The following SHPRH variants were observed in gnomAD, a reference collection of about 807,000 sequenced individuals.
SHPRH encodes SNF2 histone linker PHD RING helicase.
In SHPRH, 106 loss-of-function variants were observed where a neutral mutation model predicts 202.5. That is an observed-to-expected ratio of 0.52 (90% confidence interval 0.45 to 0.62). The LOEUF (loss-of-function observed/expected upper bound fraction) is 0.62, where lower values mean the gene tolerates loss of function less well. SHPRH is among the 20% of genes least tolerant of loss of function. SHPRH has a pLI of 0.00. For synonymous variants in SHPRH, 729 were observed against 686.0 expected (o/e 1.06, Z -0.98); for missense variants, 1,710 against 2,020.0 (o/e 0.85, Z 2.94).
chr6:145,947,341 T>G, intron 6 of SHPRH, 152 bp downstream of exon 6: 1 of 813,676 alleles, frequency 1.2e-6, no homozygotes, highest in Non-Finnish European at 1.8e-6. Context: ...CCATTCTCTC[T>G]GCCCACTTGA....
In SHPRH at chr6:145,935,268, T is replaced by C. The variant is rs1358782694; in HGVS notation, c.2733+10A>G. 7.4e-6 allele frequency: 12 copies of C among 1,613,290 alleles called. No homozygotes were observed. The highest frequency in any genetic ancestry group is 7.6e-6 in the Non-Finnish European group (9 of 1,179,834). On this transcript the variant is annotated intron_variant, in intron 12 of 29. Transcript: ENST00000275233. ...TAGTACCTTTATCAATAAAAACTTA[T>C]TGTACTGACTTGGTCAATCACATCT...
chr6:145,873,513 A>G (rs1780149914), intron 2 of SHPRH, among the ~76,000 whole-genome samples: 1 of 152,154 alleles, frequency 6.6e-6, no homozygotes, highest in African/African-American at 2.4e-5. Context: ...TTATGACCTT[A>G]TACTGCTTTA....
chr6:145,872,882 A>C (rs1196752845), intron 2 of SHPRH, among the ~76,000 whole-genome samples: 1 of 152,232 alleles, frequency 6.6e-6, no homozygotes, highest in African/African-American at 2.4e-5. Flanking sequence ...TGTGCTTCGC[A>C]GGGACATGGA....
chr6:145,943,442 T>C lies in SHPRH; in HGVS notation c.1939A>G (p.Asn647Asp), dbSNP rs1479111993. 6.2e-7 allele frequency: 1 copy of C among 1,614,028 alleles called. No individual in the cohort carries two copies. The change falls in exon 9 of 30, where the codon AAT becomes GAT. Residue 647 changes from asparagine to aspartate, a missense_variant. By Grantham distance (23) the Asn-to-Asp change is conservative. Around this residue, in one of 8 missense-constraint regions of SHPRH, gnomAD observed 348 missense variants for 356.9 expected, o/e 0.97. Coordinates refer to ENST00000275233, the MANE Select transcript of SHPRH (RefSeq NM_001042683.3). ...GAGGTGTTAAAGGGACTCATGGTAT[T>C]AGAAGGTGGTACATCACTATCAGCA... The part of the protein sequence containing the change: ...NHADSDVPPS[N>D]TMSPFNTSDY...
chr6:145,874,053 C>T (rs933927423), intron 2 of SHPRH, among the ~76,000 whole-genome samples: 1 of 151,908 alleles, frequency 6.6e-6, no homozygotes, highest in African/African-American at 2.4e-5. Flanking sequence ...ACAAAATTAG[C>T]GGCGCATGGT....
chr6:145,889,636 C>T (rs1046575097), intron 28 of SHPRH, among the ~76,000 whole-genome samples: 4 of 152,202 alleles, frequency 2.6e-5, no homozygotes, highest in Admixed American at 6.5e-5. Flanking sequence ...GTATATGAAA[C>T]ATAAATAAAT....
At chr6:145,942,817 G>A (rs1051143497) in intron 9 of SHPRH, among the ~76,000 whole-genome samples, 2 of 152,066 alleles carry the variant, frequency 1.3e-5, no homozygotes, top group African/African-American at 4.8e-5. Context: ...ATTACACAGT[G>A]CTGCCTTTGG....
chr6:145,929,108 C>A (rs538843177), intron 14 of SHPRH, among the ~76,000 whole-genome samples: 3 of 151,734 alleles, frequency 2.0e-5, no homozygotes, highest in African/African-American at 7.2e-5. Context: ...TTTATCTATT[C>A]GTTATAATAC....
intron 9 of SHPRH, among the ~76,000 whole-genome samples, chr6:145,942,467 G>C (rs1786895916): frequency 6.6e-6 from 1 of 152,118 alleles, no homozygotes; most frequent in Non-Finnish European, 1.5e-5. Context: ...CTTCTTAACA[G>C]CAAAAATTGT....
Position 145,884,824 on chromosome 6 carries a change from ATATT to A in SHPRH, c.*1863_*1866del, listed in dbSNP as rs1780853571. On this transcript the variant is annotated 3_prime_UTR_variant, in exon 30 of 30. Coordinates refer to ENST00000275233, the MANE Select transcript of SHPRH (RefSeq NM_001042683.3). ...TTCCACAATTTTCATTTCCACTAAA[ATATT>A]TATTTAATGGATATCTTACAGAAAT... is the stretch of plus-strand genomic sequence containing the variant. 1.3e-5 allele frequency: 2 copies of A among 152,182 alleles called. No individual in the cohort carries two copies. The highest frequency in any genetic ancestry group is 2.1e-4 in the South Asian group (1 of 4,836). The allele number at this position is 152,182 out of a possible 1,614,324, so 9.4% of individuals were successfully genotyped here. A position where few individuals can be genotyped will look rare whatever the true frequency, so the allele number is the denominator to read the frequency against.
intron 28 of SHPRH, among the ~76,000 whole-genome samples, chr6:145,890,156 CCAGCCACA>C (rs1562286789): frequency 6.6e-6 from 1 of 152,190 alleles, no homozygotes; most frequent in Non-Finnish European, 1.5e-5. Flanking sequence ...ACTGGCCTTA[CCAGCCACA>C]CAGAAGCAGC....
chr6:145,936,324 T>G (rs1445901428), intron 11 of SHPRH, among the ~76,000 whole-genome samples: 1 of 152,172 alleles, frequency 6.6e-6, no homozygotes, highest in East Asian at 1.9e-4. Flanking sequence ...ATGAGTGTAA[T>G]TTTGTAATTT....
chr6:145,935,967 T>G (rs1490065436), intron 11 of SHPRH: 1 of 152,394 alleles, frequency 6.6e-6, no homozygotes, highest in Admixed American at 6.5e-5. Context: ...ACAGTGATAT[T>G]CATAGCAACA....
chr6:145,951,523 C>T (rs571380613), intron 3 of SHPRH, among the ~76,000 whole-genome samples: 51 of 152,008 alleles, frequency 3.4e-4, no homozygotes, highest in Admixed American at 5.9e-4. Context: ...TCCTTAGATA[C>T]CAGGCTTTAA....
At chr6:145,862,219 T>C (rs1024976932), downstream of SHPRH, among the ~76,000 whole-genome samples, 1 of 151,450 alleles carries the variant, frequency 6.6e-6, no homozygotes, top group South Asian at 2.1e-4. Flanking sequence ...CTCAGCACTT[T>C]GGGAGGCCGA....
rs770183806 is a variant in SHPRH, at chr6:145,954,842, C to G, written c.481G>C (p.Glu161Gln). 10 of 1,613,498 alleles carry G rather than the reference C, an allele frequency of 6.2e-6. No homozygotes were observed. The Admixed American group carries it at 1.3e-4, about 22-fold the overall frequency. ...IYVHSKGEDV[E>Q]KQKKEPMSIC... ...CTCATCGGTTCTTTTTTTTGTTTCT[C>G]TACATCTTCACCTTTTGAATGAACA... The change falls in exon 2 of 30, where the codon GAG becomes CAG. Residue 161 changes from glutamate (E) to glutamine (Q), a missense_variant. Coordinates refer to ENST00000275233, the MANE Select transcript of SHPRH (RefSeq NM_001042683.3).
chr6:145,877,071 C>T (rs1372176660), intron 2 of SHPRH: 2 of 152,126 alleles, frequency 1.3e-5, no homozygotes, highest in Admixed American at 1.3e-4. Flanking sequence ...CAGGTAAATA[C>T]CTAGGAGTAG....
intron 25 of SHPRH, chr6:145,910,012 T>C (rs1468492773): frequency 6.5e-6 from 1 of 153,646 alleles, no homozygotes; most frequent in Non-Finnish European, 1.4e-5. Context: ...CTCTTTCTTG[T>C]AGCTGTCTTC....
intron 16 of SHPRH, among the ~76,000 whole-genome samples, chr6:145,925,368 A>ACACACACACACATG (rs909521842): frequency 3.0e-4 from 45 of 151,366 alleles, no homozygotes; most frequent in Admixed American, 2.7e-3. Flanking sequence ...ACACACACAC[A>ACACACACACACATG]CATGCATGCA....
Sources: gnomAD v4.1 joint callset for allele counts (sites outside exome capture counted in the v4.1 genomes callset) on GRCh38, gnomAD v4.1.1 for gene constraint, gnomAD v4.1.1 regional missense constraint, MANE v1.5 for transcripts, NCBI Gene and HGNC (gene_info 2026-07-23, HGNC 2026-07-21) for gene names.